The following NUDCD3 variants were observed in gnomAD, a reference collection of about 807,000 sequenced individuals.
NUDCD3 encodes NudC domain containing 3, also known as nudC domain-containing protein 3.
In NUDCD3, 13 loss-of-function variants were observed where a neutral mutation model predicts 39.7. The observed-to-expected ratio is 0.33, with a 90% CI of 0.21 to 0.52. The LOEUF (loss-of-function observed/expected upper bound fraction) is 0.52, where lower values mean the gene tolerates loss of function less well. NUDCD3 is among the 20% of genes least tolerant of loss of function. NUDCD3 has a pLI of 0.96. For missense variants in NUDCD3, 453 were observed against 458.1 expected (o/e 0.99, Z 0.10); for synonymous variants, 175 against 172.4 (o/e 1.02, Z -0.12).
chr7:44,484,933 A>G (rs572026663), intron 2 of NUDCD3, 35 bp downstream of exon 2: 2 of 1,499,552 alleles, frequency 1.3e-6, no homozygotes, highest in Admixed American at 4.2e-5. Flanking sequence ...GATGTTACGC[A>G]AGAAAGAAGG....
chr7:44,414,365 A>C (rs943495886), intron 3 of NUDCD3, among the ~76,000 whole-genome samples: 2 of 152,224 alleles, frequency 1.3e-5, no homozygotes, highest in Admixed American at 6.5e-5. Flanking sequence ...CCCCTCAGGC[A>C]CTTGGGGACA....
At chr7:44,426,197 GA>G in intron 3 of NUDCD3, 5 of 983,756 alleles carry the variant, frequency 5.1e-6, no homozygotes, top group Non-Finnish European at 6.0e-6. Context: ...TGTAGCTGAA[GA>G]AAAATAAATT....
In NUDCD3 at chr7:44,384,939, CCCT is replaced by C. The variant is rs1328274156; in HGVS notation, c.*1069_*1071del. ...TGGGGGTCCTGAGGCAGTGACCAGT[CCCT>C]GGAGAACAGGTAAGATTGGGCCATA... On this transcript the variant is annotated 3_prime_UTR_variant, in exon 6 of 6. Transcript: ENST00000355451. 1 of 152,252 alleles carries C rather than the reference CCCT, an allele frequency of 6.6e-6. No individual in the cohort carries two copies. Among genetic ancestry groups the C allele is most frequent in the Non-Finnish European group, 1.5e-5 (1 of 68,116 alleles). 9.4% of individuals were successfully genotyped at this position (152,252 alleles called of 1,614,324 possible). A position where few individuals can be genotyped will look rare whatever the true frequency, so the allele number is the denominator to read the frequency against.
intron 2 of NUDCD3, among the ~76,000 whole-genome samples, chr7:44,461,485 G>A (rs149839788): frequency 6.6e-6 from 1 of 152,104 alleles, no homozygotes; most frequent in Non-Finnish European, 1.5e-5. Context: ...TCTCCCTGTG[G>A]GGGGAGGCAC....
intron 3 of NUDCD3, among the ~76,000 whole-genome samples, chr7:44,427,270 T>C (rs750714221): frequency 1.3e-5 from 2 of 152,182 alleles, no homozygotes; most frequent in African/African-American, 2.4e-5. Flanking sequence ...GGAGAGTCTA[T>C]GGCTGTATTT....
chr7:44,436,121 T>C (rs1268319003), intron 2 of NUDCD3, among the ~76,000 whole-genome samples: 1 of 152,210 alleles, frequency 6.6e-6, no homozygotes, highest in African/African-American at 2.4e-5. Flanking sequence ...AAAAAATTTT[T>C]TGAGACAATC....
At chr7:44,428,384 A>G (rs886406520) in intron 2 of NUDCD3, among the ~76,000 whole-genome samples, 1 of 151,926 alleles carries the variant, frequency 6.6e-6, no homozygotes, top group South Asian at 2.1e-4. Flanking sequence ...TGCAGGTTGC[A>G]GTGAGCCAAG....
chr7:44,419,145 TG>T (rs1563170960), intron 3 of NUDCD3, among the ~76,000 whole-genome samples: 4 of 151,662 alleles, frequency 2.6e-5, no homozygotes, highest in African/African-American at 9.7e-5. Flanking sequence ...TCGAGCTTGG[TG>T]GGGGGAAGGG....
chr7:44,469,115 CAAAA>C (rs756247647), intron 2 of NUDCD3, among the ~76,000 whole-genome samples: 5,603 of 32,506 alleles, frequency 0.17, 131 homozygotes, highest in Non-Finnish European at 0.22. Context: ...ACAAACAAAC[CAAAA>C]AAAAAAAAAA....
intron 4 of NUDCD3, among the ~76,000 whole-genome samples, chr7:44,400,829 G>T (rs550981210): frequency 6.6e-6 from 1 of 152,154 alleles, no homozygotes; most frequent in Non-Finnish European, 1.5e-5. Flanking sequence ...ATAAAGACAG[G>T]TGTCACTGGA....
In NUDCD3 at chr7:44,386,055, C is replaced by T. The variant is rs760773518; in HGVS notation, c.1042G>A (p.Asp348Asn). 3.1e-6 allele frequency: 5 copies of T among 1,611,202 alleles called. No individual in the cohort carries two copies. Among genetic ancestry groups the T allele is most frequent in the African/African-American group, 1.3e-5 (1 of 74,826 alleles). ...EGSPFRGQRF[D>N]PAMFNISPGA... ...GGGGAGATGTTGAACATGGCAGGGT[C>T]GAATCGCTGGCCTCGGAAGGGAGAA... The change falls in exon 6 of 6, where the codon GAC becomes AAC. Residue 348 changes from aspartate (D) to asparagine (N), a missense_variant. Physicochemically the swap from Asp to Asn is conservative, Grantham distance 23. Coordinates refer to ENST00000355451, the MANE Select transcript of NUDCD3 (RefSeq NM_015332.4).
At chr7:44,431,589 A>T (rs1328540776) in intron 2 of NUDCD3, among the ~76,000 whole-genome samples, 2 of 150,160 alleles carry the variant, frequency 1.3e-5, no homozygotes, top group African/African-American at 4.9e-5. Context: ...GGTTCCTGAG[A>T]CTCATGGTCA....
chr7:44,391,603 G>A (rs899636540), intron 5 of NUDCD3, among the ~76,000 whole-genome samples: 5 of 152,290 alleles, frequency 3.3e-5, no homozygotes, highest in East Asian at 3.9e-4. Context: ...GCTGCACTGC[G>A]TCCGCGTGCC....
chr7:44,485,881 C>A (rs1367186466), intron 1 of NUDCD3, among the ~76,000 whole-genome samples: 1 of 152,214 alleles, frequency 6.6e-6, no homozygotes, highest in East Asian at 1.9e-4. Context: ...TTAACATTTT[C>A]TGGGAAACAG....
At chr7:44,468,319 C>T (rs545301847) in intron 2 of NUDCD3, 52 of 1,107,920 alleles carry the variant, frequency 4.7e-5, no homozygotes, top group African/African-American at 1.3e-4. Flanking sequence ...CTCGTGTGCA[C>T]GTTTTCTGTT....
chr7:44,428,851 A>G (rs148267884), intron 2 of NUDCD3, among the ~76,000 whole-genome samples: 4 of 152,380 alleles, frequency 2.6e-5, no homozygotes, highest in Admixed American at 6.5e-5. Context: ...CTATGAACAC[A>G]GAACATTCCA....
At chr7:44,398,221 G>A (rs1798657698) in intron 4 of NUDCD3, among the ~76,000 whole-genome samples, 1 of 152,144 alleles carries the variant, frequency 6.6e-6, no homozygotes, top group Admixed American at 6.5e-5. Context: ...CACACTGACT[G>A]ATGGCTTATG....
intron 1 of NUDCD3, among the ~76,000 whole-genome samples, chr7:44,488,927 AC>A (rs1800674720): frequency 6.6e-6 from 1 of 152,228 alleles, no homozygotes; most frequent in Non-Finnish European, 1.5e-5. Context: ...AAATAAGATA[AC>A]GACCCCAGAA....
At chr7:44,479,974 T>G (rs1324576540) in intron 2 of NUDCD3, among the ~76,000 whole-genome samples, 5 of 152,220 alleles carry the variant, frequency 3.3e-5, no homozygotes, top group African/African-American at 7.2e-5. Flanking sequence ...AACAAGTAAC[T>G]GAAGCTGAGA....
Sources: allele counts gnomAD v4.1 joint callset (sites outside exome capture counted in the v4.1 genomes callset), GRCh38; gene constraint gnomAD v4.1.1; transcripts MANE v1.5; gene names NCBI Gene and HGNC (gene_info 2026-07-23, HGNC 2026-07-21).